Variants in MYO7A observed in about 807,000 individuals in gnomAD.
MYO7A encodes unconventional myosin-VIIa.
In MYO7A, 210 loss-of-function variants were observed where a neutral mutation model predicts 263.8. That is an observed-to-expected ratio of 0.80 (90% confidence interval 0.71 to 0.89). The LOEUF (loss-of-function observed/expected upper bound fraction) is 0.89, where lower values mean the gene tolerates loss of function less well. Ranked by LOEUF, MYO7A falls within the 40% of genes least tolerant of loss-of-function variation. The probability of loss-of-function intolerance (pLI) is 0.00; values close to 1 mark genes in which losing one functional copy is unlikely to be tolerated. For synonymous variants in MYO7A, 1,239 were observed against 1,197.3 expected (o/e 1.03, Z -0.72); for missense variants, 2,820 against 2,968.3 (o/e 0.95, Z 1.16).
chr11:77,129,967 GCGGGCC>G (rs1256384703), intron 1 of MYO7A, among the ~76,000 whole-genome samples: 4 of 152,208 alleles, frequency 2.6e-5, no homozygotes, highest in South Asian at 2.1e-4. Context: ...GCCTAGCGGG[GCGGGCC>G]CGGGCCCGGG....
chr11:77,150,647 T>C (rs1383920901), intron 4 of MYO7A, among the ~76,000 whole-genome samples: 2 of 151,540 alleles, frequency 1.3e-5, no homozygotes, highest in Non-Finnish European at 2.9e-5. Flanking sequence ...GGGGTGGGGG[T>C]CCAGGTAGGT....
chr11:77,196,776 C>T (rs565640738), intron 32 of MYO7A, among the ~76,000 whole-genome samples: 17 of 152,288 alleles, frequency 1.1e-4, no homozygotes, highest in African/African-American at 4.1e-4. Context: ...CATACACATC[C>T]ACCCTTACCT....
In MYO7A at chr11:77,212,984, C is replaced by G. The variant is rs1489627258; in HGVS notation, c.6387C>G (p.Leu2129=). The G allele has an allele frequency of 1.9e-6, 3 of 1,596,220 alleles. No individual in the cohort carries two copies. Among genetic ancestry groups the G allele is most frequent in the Admixed American group, 1.7e-5 (1 of 57,672 alleles). The part of the protein sequence containing the change: ...QTTEPNFPEI[L]LIAINKYGVS... ...CGGAGCCAAACTTCCCTGAGATCCT[C>G]CTAATTGCCATCAACAAGTATGGGG... Residue 2129 remains leucine (L), a synonymous_variant, in exon 47 of 49, where the codon CTC becomes CTG. Coordinates refer to ENST00000409709, the MANE Select transcript of MYO7A (RefSeq NM_000260.4).
At chr11:77,134,900 T>C (rs1429120975) in intron 2 of MYO7A, among the ~76,000 whole-genome samples, 2 of 151,482 alleles carry the variant, frequency 1.3e-5, no homozygotes, top group Non-Finnish European at 2.9e-5. Context: ...TTCTCCTGCC[T>C]CAGCCTCCTG....
intron 38 of MYO7A, 70 bp from the exon 39 acceptor site, chr11:77,204,006 A>C: frequency 1.4e-6 from 2 of 1,471,846 alleles, no homozygotes; most frequent in African/African-American, 1.4e-5. Context: ...GCCCTGTGGG[A>C]AGTGGGGCCT....
chr11:77,178,436 T>A (rs1954870167), intron 19 of MYO7A, among the ~76,000 whole-genome samples: 1 of 147,032 alleles, frequency 6.8e-6, no homozygotes, highest in African/African-American at 2.5e-5. Flanking sequence ...ACCCACCCAC[T>A]CCCACAGTTG....
chr11:77,129,887 A>G (rs1487716177), intron 1 of MYO7A, among the ~76,000 whole-genome samples: 3 of 152,192 alleles, frequency 2.0e-5, no homozygotes, highest in Admixed American at 1.3e-4. Flanking sequence ...ATGTCCAAGT[A>G]TAAGGGTAGG....
chr11:77,209,946 T>G (rs556354287), intron 44 of MYO7A, among the ~76,000 whole-genome samples: 84 of 152,338 alleles, frequency 5.5e-4, no homozygotes, highest in African/African-American at 1.9e-3. Context: ...TCAGCTCAGC[T>G]GGATTGTTTC....
intron 28 of MYO7A, among the ~76,000 whole-genome samples, 173 bp from the exon 29 acceptor site, chr11:77,189,847 G>C (rs1329423574): frequency 2.0e-5 from 3 of 152,248 alleles, no homozygotes; most frequent in African/African-American, 7.2e-5. Context: ...CGGGAGGTGG[G>C]GGAGGCCACA....
chr11:77,210,210 C>A (rs1591502236), intron 44 of MYO7A, among the ~76,000 whole-genome samples: 1 of 152,160 alleles, frequency 6.6e-6, no homozygotes, highest in Admixed American at 6.5e-5. Flanking sequence ...CTACAAGTTC[C>A]ATGGAAGTAG....
rs1555109788 is a variant in MYO7A at position 77,211,932 on chromosome 11, G to T, written c.6349G>T (p.Val2117Leu). ...WPTFGSAFFE[V>L]KQTTEPNFPE... Reference sequence around the variant, plus strand: ...CACCTTTGGCTCAGCCTTCTTCGAGGTGAAGGTACACCATGGGCTTCTCAG... The same window carrying T: ...CACCTTTGGCTCAGCCTTCTTCGAGTTGAAGGTACACCATGGGCTTCTCAG... Residue 2117 changes from valine (V) to leucine (L), a missense_variant, in exon 46 of 49, where the codon GTG (valine) becomes TTG (leucine). Physicochemically the swap from Val to Leu is conservative, Grantham distance 32. Transcript: ENST00000409709. The T allele has an allele frequency of 6.2e-7, 1 of 1,612,754 alleles. No individual in the cohort carries two copies. The highest frequency in any genetic ancestry group is 1.3e-5 in the African/African-American group (1 of 75,030).
intron 28 of MYO7A, 59 bp from the exon 29 acceptor site, chr11:77,189,961 G>A (rs759500394): frequency 1.4e-6 from 2 of 1,459,338 alleles, no homozygotes; most frequent in Non-Finnish European, 1.8e-6. Context: ...CCTGGCGGCT[G>A]CCCTCAAAAT....
chr11:77,192,260 G>A lies in MYO7A; in HGVS notation c.4134G>A (p.Gly1378=), dbSNP rs1956150457. 3 of 1,614,048 alleles carry A rather than the reference G, an allele frequency of 1.9e-6. No homozygotes were observed. Among genetic ancestry groups the A allele is most frequent in the African/African-American group, 1.3e-5 (1 of 75,080 alleles). The part of the protein sequence containing the change: ...YQQVVRGVKF[G]EYRCEKEDDL... ...AGGTGGTGCGAGGAGTCAAGTTTGG[G>A]GAGTACAGGTGTGAGAAGGTGAGTG... Residue 1378 remains glycine (G), a synonymous_variant, in exon 31 of 49, where the codon GGG becomes GGA. Transcript: ENST00000409709.
rs1010675100 is a variant in MYO7A at position 77,211,357 on chromosome 11, C to A, written c.6237+20C>A. 7.7e-6 allele frequency: 12 copies of A among 1,563,282 alleles called. No homozygotes were observed. In the African/African-American group the frequency reaches 1.5e-4, roughly 19 times the overall value. ...AAGCGGGTGAGCATGGGGTGGGCAT[C>A]GGGAATGGTGGGGCCCTGAATGGGC... On this transcript the variant is annotated intron_variant, in intron 45 of 48. Transcript: ENST00000409709.
rs1448366794 is a variant in MYO7A, at chr11:77,165,906, T to C, written c.1691-150T>C. 3 of 597,244 alleles carry C rather than the reference T, an allele frequency of 5.0e-6. No homozygotes were observed. In the South Asian group the frequency reaches 5.7e-5, roughly 11 times the overall value. The allele number at this position is 597,244 out of a possible 1,614,324, so 37.0% of individuals were successfully genotyped here. A position where few individuals can be genotyped will look rare whatever the true frequency, so the allele number is the denominator to read the frequency against. ...CACTTTCTCTATGATCTTGGGCAAG[T>C]CTCTGTCCCCTCCAGGCCTCAGGGC... On this transcript the variant is annotated intron_variant, in intron 14 of 48. Transcript: ENST00000409709.
rs1260744899 is a variant in MYO7A at position 77,181,488 on chromosome 11, G to A, written c.2803G>A (p.Glu935Lys). 1.2e-6 allele frequency: 2 copies of A among 1,613,196 alleles called. No homozygotes were observed. Among genetic ancestry groups the A allele is most frequent in the Non-Finnish European group, 1.7e-6 (2 of 1,179,816 alleles). Residue 935 changes from glutamate to lysine, a missense_variant, in exon 23 of 49, where the codon GAG becomes AAG. Coordinates refer to ENST00000409709, the MANE Select transcript of MYO7A (RefSeq NM_000260.4). ...LLEQMERARH[E>K]PVNHSDMVDK... The stretch of plus-strand genomic sequence containing the variant: ...GGAGCAGATGGAAAGGGCCCGCCAT[G>A]AGCCTGTCAATCACTCAGACATGGT...
intron 3 of MYO7A, 146 bp downstream of exon 3, chr11:77,142,968 C>T: frequency 1.5e-6 from 1 of 673,382 alleles, no homozygotes; most frequent in Non-Finnish European, 2.6e-6. Flanking sequence ...CTTCCATGAG[C>T]TTTCCCCAGC....
At chr11:77,181,896 C>T (rs1054784572) in intron 23 of MYO7A, 55 bp from the exon 24 acceptor site, 88 of 1,558,574 alleles carry the variant, frequency 5.6e-5, no homozygotes, top group East Asian at 3.2e-4. Flanking sequence ...GCGATCCTCC[C>T]ACCTGAGCTT....
chr11:77,140,482 GAGACA>G (rs1555049969), intron 2 of MYO7A, among the ~76,000 whole-genome samples: 1 of 152,206 alleles, frequency 6.6e-6, no homozygotes, highest in African/African-American at 2.4e-5. Flanking sequence ...AGAGAAATTG[GAGACA>G]GTCCCCTGGC....
Sources: gnomAD v4.1 joint callset for allele counts (sites outside exome capture counted in the v4.1 genomes callset) on GRCh38, gnomAD v4.1.1 for gene constraint, MANE v1.5 for transcripts, NCBI Gene and HGNC (gene_info 2026-07-23, HGNC 2026-07-21) for gene names.